Variants in PCDH15 observed in about 807,000 individuals in gnomAD.
The protein encoded by PCDH15 is protocadherin related 15.
A neutral mutation model predicts 178.5 loss-of-function variants in PCDH15; 129 were observed. That is an observed-to-expected ratio of 0.72 (90% confidence interval 0.63 to 0.84). The LOEUF (loss-of-function observed/expected upper bound fraction) is 0.84, where lower values mean the gene tolerates loss of function less well. Among genes scored for constraint, PCDH15 ranks in the 40% least tolerant of loss-of-function variants. PCDH15 has a pLI of 0.00. For missense variants in PCDH15, 2,230 were observed against 2,099.9 expected (o/e 1.06, Z -1.21); for synonymous variants, 800 against 732.0 (o/e 1.09, Z -1.50).
intron 2 of PCDH15, among the ~76,000 whole-genome samples, chr10:54,550,528 C>T (rs1454401922): frequency 6.6e-6 from 1 of 151,110 alleles, no homozygotes; most frequent in East Asian, 2.0e-4. Context: ...CGTGCACACA[C>T]ATATACAATG....
rs557684015 is a variant in PCDH15, at chr10:54,288,544, C to T, written c.876+28727G>A. On this transcript the variant is annotated intron_variant, in intron 8 of 37. Coordinates refer to ENST00000644397, the MANE Select transcript of PCDH15 (RefSeq NM_001384140.1). ...TGGGTGCAGCCCACGGAGGGCGAGC[C>T]ACAGCAGGGTGGGGTGTCACCTCAC... Among the ~76,000 whole-genome samples, 13 of 152,228 alleles carry T rather than the reference C, an allele frequency of 8.5e-5. No homozygotes were observed. In the South Asian group the frequency reaches 2.5e-3, roughly 29 times the overall value.
chr10:54,183,418 T>C, intron 13 of PCDH15, 26 bp downstream of exon 13: 2 of 1,581,056 alleles, frequency 1.3e-6, no homozygotes, highest in Non-Finnish European at 8.7e-7. Flanking sequence ...GCTTTGAGTG[T>C]ACACTTATAT....
intron 3 of PCDH15, among the ~76,000 whole-genome samples, chr10:54,869,797 G>T (rs1954003294): frequency 6.6e-6 from 1 of 152,122 alleles, no homozygotes; most frequent in South Asian, 2.1e-4. Flanking sequence ...ACAAGCATTT[G>T]ATCTTTCTCC....
At chr10:54,690,494 T>C (rs1333458041) in intron 1 of PCDH15, among the ~76,000 whole-genome samples, 1 of 151,968 alleles carries the variant, frequency 6.6e-6, no homozygotes, top group Non-Finnish European at 1.5e-5. Context: ...TTTGTATTTT[T>C]AGTAGAGATG....
At chr10:54,612,641 A>T (rs2093001136) in intron 2 of PCDH15, among the ~76,000 whole-genome samples, 1 of 151,728 alleles carries the variant, frequency 6.6e-6, no homozygotes, top group African/African-American at 2.4e-5. Context: ...ATTCTAAACT[A>T]TGTTATAAAA....
At chr10:54,020,520 C>T (rs1194630478) in intron 19 of PCDH15, 104 bp from the exon 20 acceptor site, 12 of 1,127,808 alleles carry the variant, frequency 1.1e-5, no homozygotes, top group South Asian at 5.1e-5. Context: ...ATCAATTTAA[C>T]GAGGACAAAA....
At chr10:54,799,652 T>C (rs1332958049) in intron 1 of PCDH15, among the ~76,000 whole-genome samples, 1 of 151,998 alleles carries the variant, frequency 6.6e-6, no homozygotes, top group East Asian at 1.9e-4. Flanking sequence ...TTGCAACAGC[T>C]GAGGGGTTAG....
At chr10:54,442,039 CTA>C (rs1017954420) in intron 3 of PCDH15, among the ~76,000 whole-genome samples, 46 of 151,782 alleles carry the variant, frequency 3.0e-4, no homozygotes, top group South Asian at 6.2e-4. Flanking sequence ...ATTAAAATGA[CTA>C]TTTCTCAGGG....
At chr10:55,365,622 C>T (rs151251142) in intron 2 of PCDH15, among the ~76,000 whole-genome samples, 4 of 151,820 alleles carry the variant, frequency 2.6e-5, no homozygotes, top group Admixed American at 1.3e-4. Flanking sequence ...GTCTTTCCTG[C>T]GCTGTTCTCA....
chr10:54,193,655 C>A (rs2133901514), intron 11 of PCDH15, among the ~76,000 whole-genome samples: 1 of 152,156 alleles, frequency 6.6e-6, no homozygotes, highest in South Asian at 2.1e-4. Context: ...ATCAGAGAAT[C>A]CCTAAATTCT....
intron 3 of PCDH15, among the ~76,000 whole-genome samples, chr10:54,441,402 G>A (rs2075782304): frequency 6.6e-6 from 1 of 151,864 alleles, no homozygotes; most frequent in Non-Finnish European, 1.5e-5. Flanking sequence ...TCTACAATGA[G>A]AATGTCCATG....
intron 3 of PCDH15, among the ~76,000 whole-genome samples, chr10:54,813,121 T>A (rs1315486422): frequency 6.6e-6 from 1 of 152,236 alleles, no homozygotes; most frequent in African/African-American, 2.4e-5. Flanking sequence ...TTTTCTCCTA[T>A]GCCTGTGGCT....
intron 2 of PCDH15, among the ~76,000 whole-genome samples, chr10:54,931,187 T>A (rs1837765250): frequency 6.6e-6 from 1 of 152,244 alleles, no homozygotes; most frequent in Non-Finnish European, 1.5e-5. Context: ...ATGAGCTATA[T>A]TATCCTCTGG....
At chr10:54,573,950 G>T (rs938929676) in intron 2 of PCDH15, among the ~76,000 whole-genome samples, 1 of 152,052 alleles carries the variant, frequency 6.6e-6, no homozygotes, top group Non-Finnish European at 1.5e-5. Context: ...AGTAGGTTGT[G>T]AAAATTTTCT....
At chr10:54,893,696 T>C (rs1250589190) in intron 3 of PCDH15, among the ~76,000 whole-genome samples, 1 of 152,088 alleles carries the variant, frequency 6.6e-6, no homozygotes, top group Non-Finnish European at 1.5e-5. Context: ...ATTCCTCATT[T>C]TACAAAATAA....
intron 2 of PCDH15, among the ~76,000 whole-genome samples, chr10:55,118,820 CA>C (rs1271021690): frequency 6.6e-6 from 1 of 152,218 alleles, no homozygotes; most frequent in East Asian, 1.9e-4. Flanking sequence ...GGAGCTGGTT[CA>C]GTGGACTTAG....
chr10:55,217,626 A>G (rs1161017009), intron 1 of PCDH15, among the ~76,000 whole-genome samples: 1 of 151,968 alleles, frequency 6.6e-6, no homozygotes, highest in Non-Finnish European at 1.5e-5. Context: ...ATGCTGAATC[A>G]TAATAGAACA....
In PCDH15 at chr10:54,187,495, T is replaced by C. The variant is rs370490035; in HGVS notation, c.1306-2227A>G. Among the ~76,000 whole-genome samples the C allele has an allele frequency of 2.6e-5, 4 of 152,050 alleles. No homozygotes were observed. The East Asian group carries it at 5.8e-4, about 22-fold the overall frequency. ...CTAGGTTTTGTTTGTCAAATGCTTT[T>C]CGTTTGAAGATAATGCACACATCAA... On this transcript the variant is annotated intron_variant, in intron 11 of 37. Coordinates refer to ENST00000644397, the MANE Select transcript of PCDH15 (RefSeq NM_001384140.1).
intron 3 of PCDH15, among the ~76,000 whole-genome samples, chr10:54,494,127 C>A (rs899552571): frequency 2.0e-5 from 3 of 151,426 alleles, no homozygotes; most frequent in African/African-American, 7.3e-5. Context: ...AGGAGATATA[C>A]CTAATGCTAA....
Sources: allele counts gnomAD v4.1 joint callset (sites outside exome capture counted in the v4.1 genomes callset), GRCh38; gene constraint gnomAD v4.1.1; transcripts MANE v1.5; gene names NCBI Gene and HGNC (gene_info 2026-07-23, HGNC 2026-07-21).